Variants in ZNF544 observed in about 807,000 individuals in gnomAD.
The protein encoded by ZNF544 is zinc finger protein AF020591.
ZNF544 carries 10 observed loss-of-function variants against 13.5 expected under a neutral mutation model. The ratio of observed to expected loss-of-function variants is 0.74; its 90% CI spans 0.46 to 1.25. ZNF544 has a LOEUF of 1.25. Ranked by LOEUF, ZNF544 falls within the 50% of genes most tolerant of loss-of-function variation. ZNF544 has a pLI of 0.00. For missense variants in ZNF544, 896 were observed against 845.6 expected (o/e 1.06, Z -0.74); for synonymous variants, 323 against 300.5 (o/e 1.07, Z -0.77).
At chr19:58,243,900 T>G in intron 3 of ZNF544, 65 bp from the exon 4 acceptor site, 4 of 1,329,472 alleles carry the variant, frequency 3.0e-6, no homozygotes, top group Admixed American at 2.5e-5. Flanking sequence ...TTCTCTAGGG[T>G]GGGTGTTGGC....
At chr19:58,236,940 C>T (rs1015417938) in intron 3 of ZNF544, among the ~76,000 whole-genome samples, 3 of 151,696 alleles carry the variant, frequency 2.0e-5, no homozygotes, top group Non-Finnish European at 4.4e-5. Context: ...AGGGTTTCAC[C>T]ATGTTAACCA....
At chr19:58,236,037 G>A (rs549597951) in intron 3 of ZNF544, among the ~76,000 whole-genome samples, 25 of 148,454 alleles carry the variant, frequency 1.7e-4, no homozygotes, top group Non-Finnish European at 1.6e-4. Context: ...TCCAGCCTGG[G>A]TAACAAGAGT....
Position 58,263,064 on chromosome 19 carries a change from C to T in ZNF544, c.*310C>T, listed in dbSNP as rs1020283717. On this transcript the variant is annotated 3_prime_UTR_variant, in exon 7 of 7. Coordinates refer to ENST00000687789, the MANE Select transcript of ZNF544 (RefSeq NM_014480.4). The stretch of plus-strand genomic sequence containing the variant: ...CTTACTAGGCAGCAGAGAATTCATA[C>T]TGGAGAGAAGCCCTGTGAATGTTAA... 204 of 1,114,800 alleles carry T rather than the reference C, an allele frequency of 1.8e-4. No individual in the cohort carries two copies. Among genetic ancestry groups the T allele is most frequent in the Non-Finnish European group, 2.2e-4 (200 of 909,648 alleles). The allele number at this position is 1,114,800 out of a possible 1,614,324, so 69.1% of individuals were successfully genotyped here. A position where few individuals can be genotyped will look rare whatever the true frequency, so the allele number is the denominator to read the frequency against.
chr19:58,268,473 T>C (rs929233477), downstream of ZNF544, among the ~76,000 whole-genome samples: 1 of 152,132 alleles, frequency 6.6e-6, no homozygotes, highest in Admixed American at 6.5e-5. Context: ...ACTCAAAACA[T>C]AAATTTAATT....
At position 58,262,277 on chromosome 19, in the gene ZNF544, CA is replaced by C. The variant is rs780887906; in HGVS notation, c.1672del (p.Arg558AspfsTer34). The C allele has an allele frequency of 3.2e-5, 51 of 1,613,786 alleles. No homozygotes were observed. Among genetic ancestry groups the C allele is most frequent in the Non-Finnish European group, 4.2e-5 (49 of 1,180,028 alleles). On this transcript the variant is annotated frameshift_variant, in exon 7 of 7. Transcript: ENST00000687789. LOFTEE classifies it low-confidence loss of function (END_TRUNC). ...YQCIECGKSF[R>X]WNSNLVIHQR... ...AGTGTATTGAATGTGGGAAATCCTT[CA>C]GATGGAACTCTAACCTCGTCATACA...
At chr19:58,256,991 T>C (rs1291982165) in intron 6 of ZNF544, among the ~76,000 whole-genome samples, 3 of 150,772 alleles carry the variant, frequency 2.0e-5, no homozygotes, top group Non-Finnish European at 4.5e-5. Context: ...GCACGATCTC[T>C]GCTCACTGCA....
intron 6 of ZNF544, among the ~76,000 whole-genome samples, chr19:58,256,847 A>G (rs2047532741): frequency 6.6e-6 from 1 of 152,198 alleles, no homozygotes; most frequent in Non-Finnish European, 1.5e-5. Flanking sequence ...CCAGCTAGAG[A>G]GAGTCTTATT....
At chr19:58,259,594 TCTC>T (rs563971771) in intron 6 of ZNF544, 4 of 152,374 alleles carry the variant, frequency 2.6e-5, no homozygotes, top group African/African-American at 4.8e-5. Flanking sequence ...GTCTTTTCCT[TCTC>T]CTGTTGGTTG....
intron 6 of ZNF544, among the ~76,000 whole-genome samples, chr19:58,248,279 T>TC (rs1429241831): frequency 6.8e-6 from 1 of 147,538 alleles, no homozygotes; most frequent in Non-Finnish European, 1.5e-5. Context: ...TTTTCTTTTT[T>TC]TTTTTTTTTT....
rs550936602 is a variant in ZNF544 at position 58,256,625 on chromosome 19, G to C, written c.245-4226G>C. On this transcript the variant is annotated intron_variant, in intron 6 of 6. Transcript: ENST00000687789. ...TAATTAGATATATAGGGTCTATGCC[G>C]GACACAAACTCAAGGTTTTCTGTTG... is the stretch of plus-strand genomic sequence containing the variant. 2.0e-5 allele frequency among the ~76,000 whole-genome samples: 3 copies of C among 152,260 alleles called. No homozygotes were observed. The East Asian group carries it at 5.8e-4, about 29-fold the overall frequency.
At chr19:58,249,756 G>T (rs543140609) in intron 6 of ZNF544, among the ~76,000 whole-genome samples, 1 of 152,246 alleles carries the variant, frequency 6.6e-6, no homozygotes, top group East Asian at 1.9e-4. Flanking sequence ...CTTCTGTTTT[G>T]CCAAGCAACT....
intron 3 of ZNF544, among the ~76,000 whole-genome samples, chr19:58,241,300 A>C (rs1175506795): frequency 6.8e-6 from 1 of 147,912 alleles, no homozygotes; most frequent in African/African-American, 2.5e-5. Flanking sequence ...GCGTGAGCCA[A>C]TGTGCCTGGC....
At chr19:58,242,951 T>C (rs1399753267) in intron 3 of ZNF544, among the ~76,000 whole-genome samples, 1 of 152,114 alleles carries the variant, frequency 6.6e-6, no homozygotes, top group African/African-American at 2.4e-5. Flanking sequence ...CGCCTCAGCC[T>C]CCCAAAGTGC....
intron 1 of ZNF544, 133 bp from the exon 2 acceptor site, chr19:58,229,335 G>A (rs1026796288): frequency 6.6e-6 from 1 of 151,998 alleles, no homozygotes; most frequent in Non-Finnish European, 1.5e-5. Context: ...CCTCCCGACA[G>A]AGGGTGCCTG....
In ZNF544 at chr19:58,261,362, C is replaced by T. The variant is rs751393379; in HGVS notation, c.756C>T (p.Asn252=). ...YEYIVSGDSL[N]YGSSLCFHGR... is the part of the protein sequence containing the mutation. ...ATATTGTCAGTGGTGACTCTCTCAA[C>T]TATGGTTCCTCCCTTTGTTTTCATG... The change falls in exon 7 of 7, where the codon AAC becomes AAT. Residue 252 remains asparagine, a synonymous_variant. Coordinates refer to ENST00000687789, the MANE Select transcript of ZNF544 (RefSeq NM_014480.4). 6.2e-7 allele frequency: 1 copy of T among 1,614,160 alleles called. No individual in the cohort carries two copies. The highest frequency in any genetic ancestry group is 8.5e-7 in the Non-Finnish European group (1 of 1,180,046).
exon 7 of ZNF544, chr19:58,277,193 C>A (rs1165430049): frequency 8.1e-7 from 1 of 1,231,336 alleles, no homozygotes; most frequent in Non-Finnish European, 1.0e-6. Context: ...GAACGAGGCC[C>A]AGCAAAAAGC....
chr19:58,262,003 G>A lies in ZNF544; in HGVS notation c.1397G>A (p.Cys466Tyr). The A allele has an allele frequency of 1.2e-6, 2 of 1,613,658 alleles. No individual in the cohort carries two copies. The highest frequency in any genetic ancestry group is 1.1e-5 in the South Asian group (1 of 91,068). The change falls in exon 7 of 7, where the codon TGC (cysteine) becomes TAC (tyrosine). Residue 466 changes from cysteine to tyrosine, a missense_variant. Physicochemically the swap from Cys to Tyr is radical, Grantham distance 194. Coordinates refer to ENST00000687789, the MANE Select transcript of ZNF544 (RefSeq NM_014480.4). ...CATACTGGAGAGAAACCGTATGAGTGCACTCACTGTGGAAAGTCCTTCAGC... is the reference window on the plus strand; with the variant it reads ...CATACTGGAGAGAAACCGTATGAGTACACTCACTGTGGAAAGTCCTTCAGC... ...RIHTGEKPYE[C>Y]THCGKSFSQS...
intron 6 of ZNF544, chr19:58,247,615 C>G (rs1184225940): frequency 6.6e-6 from 1 of 151,972 alleles, no homozygotes; most frequent in Non-Finnish European, 1.5e-5. Context: ...AGGCTGGTCT[C>G]GAACTCCCGA....
At chr19:58,238,616 G>A (rs937332484) in intron 3 of ZNF544, among the ~76,000 whole-genome samples, 2 of 152,128 alleles carry the variant, frequency 1.3e-5, no homozygotes, top group East Asian at 1.9e-4. Context: ...GAGTGCGTAC[G>A]TGAGGGTCTG....
Sources: gnomAD v4.1 joint callset for allele counts (sites outside exome capture counted in the v4.1 genomes callset) on GRCh38, gnomAD v4.1.1 for gene constraint, MANE v1.5 for transcripts, NCBI Gene and HGNC (gene_info 2026-07-23, HGNC 2026-07-21) for gene names.